EBF1: variants seen among roughly 807,000 people sequenced by gnomAD.
EBF1 encodes EBF transcription factor 1, also known as transcription factor COE1.
Under a neutral mutation model 68.4 loss-of-function variants are expected in EBF1, and 10 were observed. The observed-to-expected ratio is 0.15, with a 90% confidence interval of 0.09 to 0.25. The LOEUF (loss-of-function observed/expected upper bound fraction) is 0.25, where lower values mean the gene tolerates loss of function less well. EBF1 is among the 10% of genes least tolerant of loss of function. The probability of loss-of-function intolerance (pLI) is 1.00; values close to 1 mark genes in which losing one functional copy is unlikely to be tolerated. For missense variants in EBF1, 509 were observed against 794.4 expected (o/e 0.64, Z 4.32); for synonymous variants, 298 against 299.8 (o/e 0.99, Z 0.06).
chr5:159,008,940 A>T (rs1764108010), intron 6 of EBF1, among the ~76,000 whole-genome samples: 3 of 152,314 alleles, frequency 2.0e-5, no homozygotes, highest in African/African-American at 7.2e-5. Flanking sequence ...TCTAATTAAC[A>T]TTATCTCTTT....
intron 6 of EBF1, among the ~76,000 whole-genome samples, chr5:158,931,073 A>C (rs114732488): frequency 0.01 from 1,573 of 152,352 alleles, 24 homozygotes; most frequent in African/African-American, 0.035. Flanking sequence ...GATGCTGTGC[A>C]CAGCAAACTC....
At chr5:158,949,698 A>C (rs1194623579) in intron 6 of EBF1, among the ~76,000 whole-genome samples, 1 of 152,180 alleles carries the variant, frequency 6.6e-6, no homozygotes, top group Non-Finnish European at 1.5e-5. Context: ...CTTTCAACAA[A>C]TACAGGCTTT....
chr5:158,716,965 T>C (rs1434443725), intron 11 of EBF1, among the ~76,000 whole-genome samples: 1 of 152,198 alleles, frequency 6.6e-6, no homozygotes, highest in Non-Finnish European at 1.5e-5. Context: ...GGGACTAAAT[T>C]GAAGTAGCTG....
At chr5:158,762,879 A>G (rs1453045672) in intron 10 of EBF1, among the ~76,000 whole-genome samples, 4 of 151,846 alleles carry the variant, frequency 2.6e-5, no homozygotes, top group Admixed American at 2.6e-4. Context: ...ATTGAATGAT[A>G]CCCTCCTCAC....
At chr5:158,983,357 G>A (rs905294776) in intron 6 of EBF1, 1 of 152,116 alleles carries the variant, frequency 6.6e-6, no homozygotes, top group Non-Finnish European at 1.5e-5. Flanking sequence ...TGACTGACTT[G>A]ATATTTCCCA....
chr5:158,752,363 A>T (rs1302663284), intron 10 of EBF1, among the ~76,000 whole-genome samples: 1 of 151,488 alleles, frequency 6.6e-6, no homozygotes, highest in African/African-American at 2.4e-5. Flanking sequence ...TTAGGACTTG[A>T]ATATCTTCAA....
intron 11 of EBF1, among the ~76,000 whole-genome samples, chr5:158,718,713 G>T (rs1252163804): frequency 6.6e-6 from 1 of 152,146 alleles, no homozygotes; most frequent in African/African-American, 2.4e-5. Context: ...AGACATCAGA[G>T]CCTGGCTCTT....
intron 5 of EBF1, among the ~76,000 whole-genome samples, chr5:159,084,152 G>A (rs1212479296): frequency 2.0e-5 from 3 of 151,794 alleles, no homozygotes; most frequent in African/African-American, 4.8e-5. Context: ...TAAATAAGAG[G>A]TGAGATGCAA....
At chr5:159,095,559 T>C (rs938834351) in intron 4 of EBF1, 61 bp downstream of exon 4, 1 of 1,599,406 alleles carries the variant, frequency 6.3e-7, no homozygotes. Flanking sequence ...GCAACTAGCT[T>C]CTTGACTGCC....
At chr5:158,836,865 ACT>A (rs1788928479) in intron 7 of EBF1, among the ~76,000 whole-genome samples, 1 of 152,018 alleles carries the variant, frequency 6.6e-6, no homozygotes, top group Admixed American at 6.6e-5. Context: ...TCAAAAACTG[ACT>A]CTATGGTGGC....
chr5:158,991,012 C>A (rs369120532), intron 6 of EBF1, among the ~76,000 whole-genome samples: 84 of 152,298 alleles, frequency 5.5e-4, no homozygotes, highest in African/African-American at 1.9e-3. Context: ...AATGTCTCAA[C>A]GTCCAATAAC....
intron 7 of EBF1, 150 bp from the exon 8 acceptor site, chr5:158,823,467 A>AAG: frequency 1.3e-6 from 1 of 764,258 alleles, no homozygotes; most frequent in East Asian, 2.7e-5. Flanking sequence ...CAAGTCTAAC[A>AAG]AGAGGAGCTA....
At chr5:158,701,047 CT>C (rs1418511328) in intron 15 of EBF1, among the ~76,000 whole-genome samples, 2 of 152,166 alleles carry the variant, frequency 1.3e-5, no homozygotes, top group African/African-American at 4.8e-5. Flanking sequence ...GCAGGGGAGT[CT>C]TTGCTGTGTG....
At chr5:158,884,383 T>A (rs1333290125) in intron 6 of EBF1, among the ~76,000 whole-genome samples, 1 of 152,210 alleles carries the variant, frequency 6.6e-6, no homozygotes, top group East Asian at 1.9e-4. Context: ...TGTGAACACT[T>A]TAATACACCT....
chr5:159,020,268 G>A (rs1035446470), intron 6 of EBF1, among the ~76,000 whole-genome samples: 5 of 151,964 alleles, frequency 3.3e-5, no homozygotes, highest in African/African-American at 7.3e-5. Context: ...CCTTGAATTC[G>A]GTGCAAAAAA....
chr5:158,861,874 C>T (rs1188098892), intron 6 of EBF1, among the ~76,000 whole-genome samples: 3 of 151,524 alleles, frequency 2.0e-5, no homozygotes, highest in Admixed American at 6.6e-5. Context: ...ATCCAAAATT[C>T]ATAGATAAAT....
At chr5:158,736,062 A>G (rs185958156) in intron 10 of EBF1, among the ~76,000 whole-genome samples, 1 of 152,340 alleles carries the variant, frequency 6.6e-6, no homozygotes, top group African/African-American at 2.4e-5. Context: ...AACCAAATAT[A>G]TATGTGGCCT....
At chr5:159,043,824 G>A (rs1639817364) in intron 6 of EBF1, among the ~76,000 whole-genome samples, 1 of 152,138 alleles carries the variant, frequency 6.6e-6, no homozygotes, top group African/African-American at 2.4e-5. Context: ...CTCTGCTTCT[G>A]CTTCGGCTCA....
Position 158,946,876 on chromosome 5 carries a change from TG to T in EBF1, c.555-106767del, listed in dbSNP as rs575978832. Among the ~76,000 whole-genome samples the T allele has an allele frequency of 5.9e-5, 9 of 152,276 alleles. No individual in the cohort carries two copies. In the East Asian group the frequency reaches 1.7e-3, roughly 29 times the overall value. On this transcript the variant is annotated intron_variant, in intron 6 of 15. Transcript: ENST00000313708. ...GGGGCTGCTGCCTTTCTTTCAGAGGTGCCCTGCCCAGAGAGGAGGAATCTAG... is the reference window on the plus strand; with the variant it reads ...GGGGCTGCTGCCTTTCTTTCAGAGGTCCCTGCCCAGAGAGGAGGAATCTAG...
Sources: allele counts gnomAD v4.1 joint callset (sites outside exome capture counted in the v4.1 genomes callset), GRCh38; gene constraint gnomAD v4.1.1; transcripts MANE v1.5; gene names NCBI Gene and HGNC (gene_info 2026-07-23, HGNC 2026-07-21).